ATXN7: variants seen among roughly 807,000 people sequenced by gnomAD.
ATXN7 encodes the protein ataxin-7.
ATXN7 carries 12 observed loss-of-function variants against 70.5 expected under a neutral mutation model. The ratio of observed to expected loss-of-function variants is 0.17; its 90% CI spans 0.11 to 0.28. The LOEUF is 0.28. Among genes scored for constraint, ATXN7 ranks in the 10% least tolerant of loss-of-function variants. The probability of loss-of-function intolerance (pLI) is 1.00; values close to 1 mark genes in which losing one functional copy is unlikely to be tolerated. For missense variants in ATXN7, 1,256 were observed against 1,131.7 expected, an observed-to-expected ratio of 1.11 and a Z score of -1.58; for synonymous variants, 498 against 448.7, an observed-to-expected ratio of 1.11 and a Z score of -1.39.
chr3:63,956,864 G>A (rs17069527), intron 5 of ATXN7, among the ~76,000 whole-genome samples: 3,007 of 152,304 alleles, frequency 0.02, 106 homozygotes, highest in African/African-American at 0.066. Flanking sequence ...AATTGCCAGA[G>A]AACTTTTAAG....
intron 4 of ATXN7, among the ~76,000 whole-genome samples, chr3:63,938,675 C>T (rs1317408728): frequency 6.6e-6 from 1 of 152,206 alleles, no homozygotes; most frequent in Non-Finnish European, 1.5e-5. Context: ...TGTGAGGCAC[C>T]ATGAGTATTT....
At chr3:63,863,612 A>T (rs912316725), upstream of ATXN7, 32 of 1,194,764 alleles carry the variant, frequency 2.7e-5, no homozygotes, top group Non-Finnish European at 3.3e-5. Context: ...GCAGCCGGGG[A>T]GGCCCGGGGC....
intron 4 of ATXN7, among the ~76,000 whole-genome samples, chr3:63,951,787 T>C (rs1349647852): frequency 2.0e-5 from 3 of 152,248 alleles, no homozygotes; most frequent in African/African-American, 7.2e-5. Flanking sequence ...GTAACCAAAC[T>C]GATTAATATA....
rs1182837150 is a variant in ATXN7, at chr3:64,002,225, T to C, written c.*2758T>C. On this transcript the variant is annotated 3_prime_UTR_variant, in exon 13 of 13. Transcript: ENST00000674280. ...GGTACAATTGAGATCATCTAGTATT[T>C]ATTTATTAATTAATAAAAGTAAATA... is the stretch of plus-strand genomic sequence containing the variant. The C allele has an allele frequency of 6.6e-6, 1 of 152,610 alleles. No homozygotes were observed. Among genetic ancestry groups the C allele is most frequent in the Non-Finnish European group, 1.5e-5 (1 of 68,028 alleles). 9.5% of individuals were successfully genotyped at this position (152,610 alleles called of 1,614,324 possible). A position where few individuals can be genotyped will look rare whatever the true frequency, so the allele number is the denominator to read the frequency against.
chr3:63,863,527 G>A (rs1702289855), upstream of ATXN7: 2 of 1,192,822 alleles, frequency 1.7e-6, no homozygotes, highest in African/African-American at 3.2e-5. Flanking sequence ...GCTGCCTCCG[G>A]GAGAGCGGAC....
At chr3:63,918,207 G>A (rs58676857) in intron 4 of ATXN7, among the ~76,000 whole-genome samples, 24,855 of 151,798 alleles carry the variant, frequency 0.16, 2,152 homozygotes, top group African/African-American at 0.22. Context: ...AAACAAAACA[G>A]GCTTGCTAGG....
intron 8 of ATXN7, among the ~76,000 whole-genome samples, chr3:63,985,220 CT>C (rs1335137503): frequency 6.6e-6 from 1 of 152,110 alleles, no homozygotes; most frequent in East Asian, 1.9e-4. Flanking sequence ...CTTCCTGTGC[CT>C]TTATTGCTAG....
intron 1 of ATXN7, chr3:63,873,792 C>T (rs1284191593): frequency 1.3e-5 from 2 of 152,222 alleles, no homozygotes; most frequent in African/African-American, 4.8e-5. Context: ...CAGCGTTGAC[C>T]TCCTGGCCTC....
intron 4 of ATXN7, among the ~76,000 whole-genome samples, chr3:63,939,418 AGC>A (rs2074717810): frequency 6.6e-6 from 1 of 152,128 alleles, no homozygotes. Context: ...TTTCAAACCA[AGC>A]ACCTCCCTTC....
chr3:63,998,861 CT>C, intron 12 of ATXN7: 1 of 236,364 alleles, frequency 4.2e-6, no homozygotes, highest in Non-Finnish European at 6.9e-6. Flanking sequence ...AATAACTGGG[CT>C]AGTTGAAGTT....
At chr3:63,882,599 T>G (rs1449582457) in intron 1 of ATXN7, among the ~76,000 whole-genome samples, 1 of 152,052 alleles carries the variant, frequency 6.6e-6, no homozygotes, top group Non-Finnish European at 1.5e-5. Context: ...TTGGCCGGGC[T>G]GATCTTGAAT....
chr3:63,967,771 G>A, intron 5 of ATXN7: 4 of 1,459,454 alleles, frequency 2.7e-6, no homozygotes, highest in South Asian at 1.4e-5. Context: ...CAGGACCTTT[G>A]TAATTCAAGT....
intron 11 of ATXN7, 169 bp downstream of exon 11, chr3:63,991,028 C>T (rs991647594): frequency 1.3e-5 from 12 of 908,680 alleles, no homozygotes; most frequent in Admixed American, 2.6e-5. Flanking sequence ...CCCTTTACCC[C>T]ACAACTACAT....
At chr3:63,863,374 G>A, upstream of ATXN7, 1 of 927,928 alleles carries the variant, frequency 1.1e-6, no homozygotes, top group South Asian at 5.1e-5. Context: ...CACCCTTCGC[G>A]GCTCCTGGGT....
chr3:63,974,013 G>C (rs538708551), intron 5 of ATXN7, among the ~76,000 whole-genome samples: 1 of 152,292 alleles, frequency 6.6e-6, no homozygotes, highest in Non-Finnish European at 1.5e-5. Context: ...TCTTAATCCA[G>C]TCCTAGGATT....
intron 4 of ATXN7, among the ~76,000 whole-genome samples, chr3:63,917,551 T>C (rs1704332513): frequency 6.6e-6 from 1 of 151,038 alleles, no homozygotes; most frequent in South Asian, 2.1e-4. Context: ...AAAAATGACA[T>C]CTTCTTTGGG....
At chr3:63,928,453 T>TA (rs1704804584) in intron 4 of ATXN7, among the ~76,000 whole-genome samples, 1 of 152,160 alleles carries the variant, frequency 6.6e-6, no homozygotes, top group African/African-American at 2.4e-5. Flanking sequence ...ATTGATAACT[T>TA]AAAAAATTAA....
intron 5 of ATXN7, among the ~76,000 whole-genome samples, chr3:63,954,367 T>C (rs1435119628): frequency 6.6e-6 from 1 of 152,188 alleles, no homozygotes; most frequent in African/African-American, 2.4e-5. Flanking sequence ...CCAGGCTCTC[T>C]GGGATGTGCT....
At chr3:63,969,861 C>G (rs371486661) in intron 5 of ATXN7, among the ~76,000 whole-genome samples, 24 of 152,266 alleles carry the variant, frequency 1.6e-4, no homozygotes, top group East Asian at 1.2e-3. Flanking sequence ...GGTGGATTTT[C>G]GTTTTGGCTC....
Sources: allele counts gnomAD v4.1 joint callset (sites outside exome capture counted in the v4.1 genomes callset), GRCh38; gene constraint gnomAD v4.1.1; transcripts MANE v1.5; gene names NCBI Gene and HGNC (gene_info 2026-07-23, HGNC 2026-07-21).